Variants in MYT1L observed in about 807,000 individuals in gnomAD.
The protein encoded by MYT1L is myelin transcription factor 1-like protein.
Under a neutral mutation model 126.7 loss-of-function variants are expected in MYT1L, and 12 were observed. The observed-to-expected ratio is 0.09, with a 90% confidence interval of 0.06 to 0.15. The LOEUF (loss-of-function observed/expected upper bound fraction) is 0.15, where lower values mean the gene tolerates loss of function less well. Ranked by LOEUF, MYT1L falls within the 10% of genes least tolerant of loss-of-function variation. MYT1L has a pLI of 1.00. For missense variants in MYT1L, 979 were observed against 1,585.2 expected (o/e 0.62, Z 6.49); for synonymous variants, 541 against 604.2 (o/e 0.90, Z 1.53).
At chr2:1,998,899 AAAAG>A (rs767043646) in intron 4 of MYT1L, among the ~76,000 whole-genome samples, 1 of 152,120 alleles carries the variant, frequency 6.6e-6, no homozygotes, top group Non-Finnish European at 1.5e-5. Context: ...AAAAAAAAAG[AAAAG>A]AAAGAAAAAG....
intron 4 of MYT1L, among the ~76,000 whole-genome samples, chr2:2,013,852 G>A (rs935905640): frequency 6.6e-6 from 1 of 152,232 alleles, no homozygotes; most frequent in African/African-American, 2.4e-5. Flanking sequence ...GCTGCTGCAC[G>A]GAGGCCTGCG....
intron 3 of MYT1L, among the ~76,000 whole-genome samples, chr2:2,127,346 C>G (rs374254773): frequency 6.6e-6 from 1 of 152,188 alleles, no homozygotes; most frequent in East Asian, 1.9e-4. Context: ...AGAGCCTCCT[C>G]GGTAAAGACA....
At chr2:1,986,460 A>G (rs901221534) in intron 5 of MYT1L, among the ~76,000 whole-genome samples, 1 of 152,188 alleles carries the variant, frequency 6.6e-6, no homozygotes, top group South Asian at 2.1e-4. Context: ...TCCTCCCATC[A>G]TGTTTGAGCC....
chr2:1,997,656 C>T (rs2061985451), intron 4 of MYT1L, among the ~76,000 whole-genome samples: 1 of 152,206 alleles, frequency 6.6e-6, no homozygotes, highest in African/African-American at 2.4e-5. Flanking sequence ...TCCATGAGCT[C>T]CCAGTTCCTG....
chr2:2,217,501 G>A (rs1025134478), intron 2 of MYT1L, among the ~76,000 whole-genome samples: 82 of 151,962 alleles, frequency 5.4e-4, no homozygotes, highest in Middle Eastern at 3.4e-3. Flanking sequence ...TGGCCAACAT[G>A]GTGAAACCCC....
chr2:1,797,455 C>T (rs1236039305), intron 23 of MYT1L, among the ~76,000 whole-genome samples: 1 of 152,142 alleles, frequency 6.6e-6, no homozygotes, highest in African/African-American at 2.4e-5. Flanking sequence ...TTCCTGACCT[C>T]GTGATCTGCC....
chr2:1,837,827 C>T (rs1322431438), intron 21 of MYT1L, among the ~76,000 whole-genome samples: 6 of 151,138 alleles, frequency 4.0e-5, no homozygotes, highest in African/African-American at 9.7e-5. Flanking sequence ...CCAGAGAAGA[C>T]GGGAACTGCC....
At chr2:2,322,285 G>C (rs983106332) in intron 1 of MYT1L, among the ~76,000 whole-genome samples, 1 of 151,444 alleles carries the variant, frequency 6.6e-6, no homozygotes. Flanking sequence ...GCCTACACAG[G>C]GTACTTAAGT....
intron 18 of MYT1L, among the ~76,000 whole-genome samples, chr2:1,881,481 C>A (rs986662436): frequency 6.6e-6 from 1 of 151,836 alleles, no homozygotes. Flanking sequence ...TTTAATTTCT[C>A]CTACTCATTA....
In MYT1L at chr2:1,887,710, C is replaced by A. The variant is rs2148839350; in HGVS notation, c.2521-101G>T. On this transcript the variant is annotated intron_variant, in intron 16 of 24. Coordinates refer to ENST00000647738, the MANE Select transcript of MYT1L (RefSeq NM_001303052.2). The surrounding 1 kb of genome is among the most constrained non-coding windows in gnomAD (Gnocchi z 4.8). ...CTGGGGTGGCCTCTACATCTTACAC[C>A]TCTTTCTGCTGTACCTTTAAGATCC... The A allele has an allele frequency of 1.5e-6, 2 of 1,359,460 alleles. No homozygotes were observed. Among genetic ancestry groups the A allele is most frequent in the South Asian group, 2.4e-5 (2 of 81,692 alleles). The allele number at this position is 1,359,460 out of a possible 1,614,324, so 84.2% of individuals were successfully genotyped here.
Position 2,305,051 on chromosome 2 carries a change from A to G in MYT1L, c.-520-20548T>C, listed in dbSNP as rs116485869. On this transcript the variant is annotated intron_variant, in intron 1 of 24. Coordinates refer to ENST00000647738, the MANE Select transcript of MYT1L (RefSeq NM_001303052.2). ...CTGTTTATATATTAAAATGATTATT[A>G]TTTACTATATTGGGCTAAATAAAAC... Among the ~76,000 whole-genome samples the G allele has an allele frequency of 3.7e-3, 556 of 152,298 alleles. 6 individuals carry two copies. The highest frequency in any genetic ancestry group is 0.013 in the African/African-American group (522 of 41,544).
intron 1 of MYT1L, among the ~76,000 whole-genome samples, chr2:2,330,348 T>C (rs1037400950): frequency 6.6e-6 from 1 of 152,152 alleles, no homozygotes; most frequent in Non-Finnish European, 1.5e-5. Context: ...TATTTACATA[T>C]ATATTTTTGC....
chr2:1,969,458 A>T (rs1253483837), intron 8 of MYT1L, among the ~76,000 whole-genome samples: 1 of 152,132 alleles, frequency 6.6e-6, no homozygotes, highest in Admixed American at 6.5e-5. Context: ...ATCAGAATCA[A>T]CCCTCTGGAG....
At position 2,219,496 on chromosome 2, in the gene MYT1L, G is replaced by C. The variant is rs1019273273; in HGVS notation, c.-420-46508C>G. The stretch of plus-strand genomic sequence containing the variant: ...TTAAATATCTGCTAGCTGTAATAAA[G>C]AGATCAATGTATTTTATGTTCTTAG... On this transcript the variant is annotated intron_variant, in intron 2 of 24. Transcript: ENST00000647738. Among the ~76,000 whole-genome samples, 12 of 152,218 alleles carry C rather than the reference G, an allele frequency of 7.9e-5. 1 individual carries two copies. The highest frequency in any genetic ancestry group is 7.8e-4 in the Admixed American group (12 of 15,294).
Position 2,185,169 on chromosome 2 carries a change from T to C in MYT1L, c.-420-12181A>G, listed in dbSNP as rs1401610764. 2.0e-5 allele frequency among the ~76,000 whole-genome samples: 3 copies of C among 152,282 alleles called. No homozygotes were observed. The South Asian group carries it at 6.2e-4, about 32-fold the overall frequency. On this transcript the variant is annotated intron_variant, in intron 2 of 24. Coordinates refer to ENST00000647738, the MANE Select transcript of MYT1L (RefSeq NM_001303052.2). ...ACCTAATAAGCATTCCACTCTTATA[T>C]ACAAGCCTCCTTATAAAAGGCCTAG...
intron 3 of MYT1L, among the ~76,000 whole-genome samples, chr2:2,095,602 T>C (rs966867247): frequency 1.3e-5 from 2 of 152,058 alleles, no homozygotes; most frequent in Non-Finnish European, 2.9e-5. Flanking sequence ...TTTCACTGTG[T>C]CTAAGTCAGT....
At chr2:2,026,714 C>T (rs979009521) in intron 4 of MYT1L, among the ~76,000 whole-genome samples, 1 of 152,120 alleles carries the variant, frequency 6.6e-6, no homozygotes, top group African/African-American at 2.4e-5. Context: ...GTACAGGGAA[C>T]CTCTCCGTCC....
At chr2:1,840,664 G>C (rs1226129816) in intron 20 of MYT1L, 96 bp downstream of exon 20, 1 of 893,166 alleles carries the variant, frequency 1.1e-6, no homozygotes. Context: ...AAGACCCGCT[G>C]TCTCTTTTTC....
rs556191005 is a variant in MYT1L at position 1,824,701 on chromosome 2, G to T, written c.3080+14448C>A. On this transcript the variant is annotated intron_variant, in intron 21 of 24. Transcript: ENST00000647738. ...AGAGGAGAGAGTGGAGGAGGACTCC[G>T]CAGTATCCCGGCTGATGCATATTGA... The T allele has an allele frequency of 2.2e-4, 34 of 151,556 alleles. 1 individual carries two copies. The highest frequency in any genetic ancestry group is 6.1e-4 in the African/African-American group (25 of 40,866). 9.4% of individuals were successfully genotyped at this position (151,556 alleles called of 1,614,324 possible).
Sources: allele counts gnomAD v4.1 joint callset (sites outside exome capture counted in the v4.1 genomes callset), GRCh38; gene constraint gnomAD v4.1.1; non-coding constraint Gnocchi (gnomAD v3.1); transcripts MANE v1.5; gene names NCBI Gene and HGNC (gene_info 2026-07-23, HGNC 2026-07-21).